DOCK3: variants seen among roughly 807,000 people sequenced by gnomAD.
The protein encoded by DOCK3 is dedicator of cytokinesis protein 3.
A neutral mutation model predicts 265.6 loss-of-function variants in DOCK3; 60 were observed. The observed-to-expected ratio is 0.23, with a 90% confidence interval of 0.18 to 0.28. The LOEUF is 0.28. Ranked by LOEUF, DOCK3 falls within the 10% of genes least tolerant of loss-of-function variation. The pLI, the probability that DOCK3 is intolerant of heterozygous loss-of-function variation, is 1.00. For synonymous variants in DOCK3, 881 were observed against 938.0 expected (o/e 0.94, Z 1.11); for missense variants, 1,981 against 2,594.3 (o/e 0.76, Z 5.14).
chr3:50,809,150 T>G (rs1263110080), intron 2 of DOCK3, among the ~76,000 whole-genome samples: 2 of 152,100 alleles, frequency 1.3e-5, no homozygotes, highest in Non-Finnish European at 2.9e-5. Flanking sequence ...GATCGTTAAG[T>G]AGAGGGAAAA....
rs6769211 is a variant in DOCK3 at position 51,331,718 on chromosome 3, G to A, written c.3489-1283G>A. ...CGCACCTGTAATCCCAGCTACTTGG[G>A]AGGCTAAGGTGGGAGGATTGCTTGA... On this transcript the variant is annotated intron_variant, in intron 33 of 52. Coordinates refer to ENST00000266037, the MANE Select transcript of DOCK3 (RefSeq NM_004947.5). 3.2e-3 allele frequency among the ~76,000 whole-genome samples: 491 copies of A among 152,338 alleles called. 7 individuals carry two copies. Among genetic ancestry groups the A allele is most frequent in the African/African-American group, 0.011 (444 of 41,574 alleles).
intron 3 of DOCK3, among the ~76,000 whole-genome samples, chr3:50,871,466 C>T (rs2168865): frequency 0.099 from 15,065 of 151,660 alleles, 927 homozygotes; most frequent in Non-Finnish European, 0.13. Flanking sequence ...CCTTGATCTT[C>T]GTGAGTTTGA....
intron 5 of DOCK3, among the ~76,000 whole-genome samples, chr3:51,010,710 A>T (rs1350884962): frequency 2.0e-5 from 3 of 152,148 alleles, no homozygotes; most frequent in Admixed American, 2.0e-4. Flanking sequence ...GTTTCCTCCT[A>T]GCATCAATGG....
chr3:51,208,428 C>T (rs974034503), intron 12 of DOCK3, among the ~76,000 whole-genome samples: 8 of 152,166 alleles, frequency 5.3e-5, no homozygotes, highest in Non-Finnish European at 7.4e-5. Flanking sequence ...GATGTTTTTC[C>T]TCTATCAAGA....
chr3:50,850,846 G>A (rs2107379840), intron 3 of DOCK3, among the ~76,000 whole-genome samples: 1 of 152,292 alleles, frequency 6.6e-6, no homozygotes, highest in Non-Finnish European at 1.5e-5. Flanking sequence ...GCACTTATAG[G>A]TAAGAGCCAC....
chr3:51,206,125 A>G (rs1002185494), intron 12 of DOCK3, among the ~76,000 whole-genome samples: 5 of 152,226 alleles, frequency 3.3e-5, no homozygotes, highest in African/African-American at 9.6e-5. Flanking sequence ...AGATAAATCT[A>G]GTAATGATTT....
chr3:51,080,660 A>T (rs2082200269), intron 7 of DOCK3, among the ~76,000 whole-genome samples: 1 of 152,192 alleles, frequency 6.6e-6, no homozygotes, highest in Admixed American at 6.5e-5. Flanking sequence ...GTCAACAGGG[A>T]TGTTTCATAC....
At chr3:51,005,310 T>C (rs1462808966) in intron 5 of DOCK3, among the ~76,000 whole-genome samples, 1 of 152,136 alleles carries the variant, frequency 6.6e-6, no homozygotes, top group Non-Finnish European at 1.5e-5. Flanking sequence ...CATCTTTCTG[T>C]GTTTCTAACA....
rs1575756057 is a variant in DOCK3, at chr3:51,012,833, G to T, written c.316-51615G>T. 3.3e-5 allele frequency among the ~76,000 whole-genome samples: 5 copies of T among 152,108 alleles called. 1 individual carries two copies. In the South Asian group the frequency reaches 6.2e-4, roughly 19 times the overall value. ...CACATAGTCCCATATTTATTGGAGGGTTTGTTCGTTTCCTTTTAGTCTTTT... is the reference window on the plus strand; with the variant it reads ...CACATAGTCCCATATTTATTGGAGGTTTTGTTCGTTTCCTTTTAGTCTTTT... On this transcript the variant is annotated intron_variant, in intron 5 of 52. Coordinates refer to ENST00000266037, the MANE Select transcript of DOCK3 (RefSeq NM_004947.5).
chr3:50,796,346 T>A (rs888280097), intron 2 of DOCK3, among the ~76,000 whole-genome samples: 1 of 148,238 alleles, frequency 6.7e-6, no homozygotes, highest in Non-Finnish European at 1.5e-5. Context: ...TTTTTTGTTT[T>A]GTTTTTTTTG....
rs1415565965 is a variant in DOCK3 at position 50,959,556 on chromosome 3, G to GTA, written c.315+25480_315+25481insAT. Reference sequence around the variant, plus strand: ...TGTGTGTGTGTGTGTGTGTGTGTGTGTGTATATATATATAAAATTTATTTA... The same window carrying GTA: ...TGTGTGTGTGTGTGTGTGTGTGTGTGTATGTATATATATATAAAATTTATTTA... On this transcript the variant is annotated intron_variant, in intron 5 of 52. Coordinates refer to ENST00000266037, the MANE Select transcript of DOCK3 (RefSeq NM_004947.5). 1.5e-3 allele frequency among the ~76,000 whole-genome samples: 210 copies of GTA among 141,552 alleles called. 2 individuals carry two copies. The highest frequency in any genetic ancestry group is 3.2e-3 in the African/African-American group (122 of 38,528). The allele number at this position is 141,552 out of a possible 152,430, so 92.9% of individuals were successfully genotyped here. A position where few individuals can be genotyped will look rare whatever the true frequency, so the allele number is the denominator to read the frequency against.
intron 27 of DOCK3, among the ~76,000 whole-genome samples, chr3:51,300,988 C>T (rs1365386462): frequency 1.3e-5 from 2 of 152,142 alleles, no homozygotes; most frequent in Non-Finnish European, 2.9e-5. Flanking sequence ...GTACCAGCTC[C>T]TCTTTATACC....
intron 22 of DOCK3, among the ~76,000 whole-genome samples, chr3:51,250,821 G>T (rs1472657484): frequency 6.6e-6 from 1 of 152,140 alleles, no homozygotes; most frequent in Non-Finnish European, 1.5e-5. Flanking sequence ...ATATTTAAAA[G>T]CCTAGATGGG....
intron 4 of DOCK3, among the ~76,000 whole-genome samples, chr3:50,908,245 GT>G (rs1468141707): frequency 1.5e-5 from 2 of 132,990 alleles, no homozygotes; most frequent in Non-Finnish European, 1.6e-5. Flanking sequence ...TCTGATCCTG[GT>G]TATTTCTTGC....
At chr3:50,682,344 C>T (rs2034471495) in intron 1 of DOCK3, among the ~76,000 whole-genome samples, 1 of 152,206 alleles carries the variant, frequency 6.6e-6, no homozygotes, top group Non-Finnish European at 1.5e-5. Context: ...GACCATTAAA[C>T]ACATATTTGC....
chr3:50,850,120 C>A (rs1229404777), intron 3 of DOCK3, among the ~76,000 whole-genome samples: 2 of 151,798 alleles, frequency 1.3e-5, no homozygotes, highest in Non-Finnish European at 2.9e-5. Flanking sequence ...GTGGCTCACA[C>A]CTGTAATCCC....
chr3:50,731,168 T>G (rs1041016646), intron 1 of DOCK3, among the ~76,000 whole-genome samples: 1 of 151,712 alleles, frequency 6.6e-6, no homozygotes, highest in African/African-American at 2.4e-5. Context: ...AACATAGATG[T>G]AGAATCCCCT....
At chr3:51,329,012 G>A (rs1316279578) in intron 32 of DOCK3, among the ~76,000 whole-genome samples, 1 of 152,088 alleles carries the variant, frequency 6.6e-6, no homozygotes, top group Non-Finnish European at 1.5e-5. Flanking sequence ...AATTAGCTGG[G>A]TGTGGTGGTG....
intron 2 of DOCK3, among the ~76,000 whole-genome samples, chr3:50,811,514 T>TATAC (rs1416198843): frequency 6.6e-6 from 1 of 152,216 alleles, no homozygotes; most frequent in Admixed American, 6.5e-5. Context: ...TAAATGATTT[T>TATAC]ATACATATCA....
Sources: allele counts gnomAD v4.1 joint callset (sites outside exome capture counted in the v4.1 genomes callset), GRCh38; gene constraint gnomAD v4.1.1; transcripts MANE v1.5; gene names NCBI Gene and HGNC (gene_info 2026-07-23, HGNC 2026-07-21).